The following C10orf67 variants were observed in gnomAD, a reference collection of about 807,000 sequenced individuals.
The protein encoded by C10orf67 is uncharacterized protein C10orf67, mitochondrial.
C10orf67 carries 60 observed loss-of-function variants against 35.6 expected under a neutral mutation model. The ratio of observed to expected loss-of-function variants is 1.68; its 90% CI spans 1.37 to 2.09. The LOEUF (loss-of-function observed/expected upper bound fraction) is 2.09, where lower values mean the gene tolerates loss of function less well. Ranked by LOEUF, C10orf67 falls within the 30% of genes most tolerant of loss-of-function variation. The pLI is 0.00. For missense variants in C10orf67, 474 were observed against 330.2 expected, an observed-to-expected ratio of 1.44 and a Z score of -3.38; for synonymous variants, 167 against 115.8, an observed-to-expected ratio of 1.44 and a Z score of -2.84.
intron 12 of C10orf67, among the ~76,000 whole-genome samples, chr10:23,241,282 A>G (rs962913791): frequency 1.3e-5 from 2 of 152,258 alleles, no homozygotes; most frequent in Non-Finnish European, 2.9e-5. Context: ...ACAAGTCTAC[A>G]TATGGAGAGA....
chr10:23,267,027 G>A (rs1302213306), intron 9 of C10orf67, among the ~76,000 whole-genome samples, 168 bp downstream of exon 9: 1 of 152,178 alleles, frequency 6.6e-6, no homozygotes, highest in African/African-American at 2.4e-5. Flanking sequence ...TTATAGGCAT[G>A]AGCCACTGCT....
intron 6 of C10orf67, 82 bp from the exon 7 acceptor site, chr10:23,290,040 C>T (rs971332280): frequency 2.9e-6 from 2 of 693,684 alleles, no homozygotes; most frequent in Non-Finnish European, 5.3e-6. Flanking sequence ...TCAGGGCAGG[C>T]TGTGGGGCAC....
intron 7 of C10orf67, among the ~76,000 whole-genome samples, chr10:23,285,711 T>C (rs1270719186): frequency 1.3e-5 from 2 of 152,192 alleles, no homozygotes; most frequent in South Asian, 2.1e-4. Context: ...AATTTACAAA[T>C]GAAAAAGTAA....
chr10:23,298,820 G>GCC (rs1379958030), intron 5 of C10orf67, among the ~76,000 whole-genome samples: 3 of 152,226 alleles, frequency 2.0e-5, no homozygotes, highest in Non-Finnish European at 4.4e-5. Flanking sequence ...ATGACACAAG[G>GCC]TTTCTGAATG....
chr10:23,304,174 T>G (rs1844189604), intron 4 of C10orf67, among the ~76,000 whole-genome samples: 1 of 151,300 alleles, frequency 6.6e-6, no homozygotes, highest in Non-Finnish European at 1.5e-5. Context: ...CTGCTGGGAG[T>G]CATGCCTATT....
chr10:23,272,621 G>T (rs1412105505), intron 8 of C10orf67, among the ~76,000 whole-genome samples: 1 of 152,180 alleles, frequency 6.6e-6, no homozygotes, highest in Non-Finnish European at 1.5e-5. Context: ...TCAGGCATGT[G>T]CATCTTCCAA....
chr10:23,322,973 TG>T (rs896581346), intron 2 of C10orf67, among the ~76,000 whole-genome samples: 3 of 152,210 alleles, frequency 2.0e-5, no homozygotes, highest in Non-Finnish European at 4.4e-5. Context: ...GTCAGAGGTC[TG>T]TCCTGATTTT....
At chr10:23,313,046 C>T (rs903150481) in intron 4 of C10orf67, among the ~76,000 whole-genome samples, 10 of 152,314 alleles carry the variant, frequency 6.6e-5, no homozygotes, top group African/African-American at 1.9e-4. Context: ...CACCTCCCCA[C>T]CCTCTCTTCT....
intron 7 of C10orf67, among the ~76,000 whole-genome samples, chr10:23,283,609 G>A (rs1843437804): frequency 6.6e-6 from 1 of 152,104 alleles, no homozygotes; most frequent in Non-Finnish European, 1.5e-5. Flanking sequence ...ACCGTCCTCT[G>A]CCCCTTGCCA....
chr10:23,300,379 T>C (rs1844034877), intron 5 of C10orf67, among the ~76,000 whole-genome samples: 1 of 152,198 alleles, frequency 6.6e-6, no homozygotes, highest in African/African-American at 2.4e-5. Flanking sequence ...GCGGTGGCCT[T>C]TTTTTATCCC....
At chr10:23,288,439 T>G (rs551238815) in intron 7 of C10orf67, among the ~76,000 whole-genome samples, 1 of 152,032 alleles carries the variant, frequency 6.6e-6, no homozygotes, top group Admixed American at 6.6e-5. Flanking sequence ...TGGACACAGA[T>G]TGGGGAACAA....
intron 8 of C10orf67, among the ~76,000 whole-genome samples, chr10:23,268,339 A>T (rs11013358): frequency 0.19 from 29,348 of 152,208 alleles, 3,122 homozygotes; most frequent in Admixed American, 0.29. Context: ...AAGGTACTGT[A>T]TCAAAAAATG....
intron 2 of C10orf67, among the ~76,000 whole-genome samples, chr10:23,332,582 G>A (rs1845528864): frequency 1.3e-5 from 2 of 151,852 alleles, no homozygotes; most frequent in African/African-American, 4.8e-5. Flanking sequence ...TACTTGTGAG[G>A]CTGAAGTGGG....
intron 12 of C10orf67, among the ~76,000 whole-genome samples, chr10:23,247,963 G>A (rs894746608): frequency 2.0e-5 from 3 of 152,122 alleles, no homozygotes; most frequent in Non-Finnish European, 4.4e-5. Context: ...CCAAGGTGAG[G>A]GGACTATATG....
At position 23,257,241 on chromosome 10, in the gene C10orf67, G is replaced by A. The variant is rs116529237; in HGVS notation, c.1201-6550C>T. On this transcript the variant is annotated intron_variant, in intron 10 of 15. Transcript: ENST00000636213. ...TGCCCCAGGGAAGAGGGGCAAGAAT[G>A]CTGAGAAAGTCCACCGCTGGGGCCT... is the stretch of plus-strand genomic sequence containing the variant. 1.5e-3 allele frequency among the ~76,000 whole-genome samples: 235 copies of A among 152,302 alleles called. 2 individuals are homozygous for A. The highest frequency in any genetic ancestry group is 5.4e-3 in the African/African-American group (224 of 41,576).
chr10:23,219,796 A>T (rs1197662423), intron 15 of C10orf67, among the ~76,000 whole-genome samples: 1 of 152,130 alleles, frequency 6.6e-6, no homozygotes, highest in Non-Finnish European at 1.5e-5. Context: ...TACTCTTTTC[A>T]AAACATATAC....
intron 5 of C10orf67, among the ~76,000 whole-genome samples, chr10:23,291,935 C>T (rs1002757878): frequency 6.6e-6 from 1 of 151,946 alleles, no homozygotes; most frequent in Non-Finnish European, 1.5e-5. Context: ...TCTGTGCAGG[C>T]GTTTAATGCT....
intron 1 of C10orf67, chr10:23,344,294 AG>A (rs1846048406): frequency 7.1e-6 from 3 of 424,406 alleles, no homozygotes; most frequent in Admixed American, 4.5e-5. Flanking sequence ...GAGTGGGGGA[AG>A]GGGGAAGAGA....
At chr10:23,320,640 C>A in intron 4 of C10orf67, 101 bp downstream of exon 4, 1 of 864,166 alleles carries the variant, frequency 1.2e-6, no homozygotes, top group East Asian at 2.7e-5. Context: ...GCCTTCAGAG[C>A]TGGAAACACA....
Sources: allele counts gnomAD v4.1 joint callset (sites outside exome capture counted in the v4.1 genomes callset), GRCh38; gene constraint gnomAD v4.1.1; transcripts MANE v1.5; gene names NCBI Gene and HGNC (gene_info 2026-07-23, HGNC 2026-07-21).